Variants in SEC63 observed in about 807,000 individuals in gnomAD.
SEC63 encodes the protein SEC63 protein translocation regulator.
In SEC63, 56 loss-of-function variants were observed where a neutral mutation model predicts 116.2. The ratio of observed to expected loss-of-function variants is 0.48; its 90% confidence interval spans 0.39 to 0.60. The LOEUF (loss-of-function observed/expected upper bound fraction) is 0.60, where lower values mean the gene tolerates loss of function less well. Ranked by LOEUF, SEC63 falls within the 20% of genes least tolerant of loss-of-function variation. The probability of loss-of-function intolerance (pLI) is 0.00; values close to 1 mark genes in which losing one functional copy is unlikely to be tolerated. For synonymous variants in SEC63, 273 were observed against 294.6 expected, an observed-to-expected ratio of 0.93 and a Z score of 0.75; for missense variants, 668 against 900.0, an observed-to-expected ratio of 0.74 and a Z score of 3.30.
intron 11 of SEC63, 88 bp downstream of exon 11, chr6:107,904,541 G>T: frequency 2.0e-6 from 2 of 981,822 alleles, no homozygotes; most frequent in South Asian, 1.3e-5. Flanking sequence ...ACAGAAGTCT[G>T]AGTACCCATA....
chr6:107,955,321 C>T (rs1368856442), intron 1 of SEC63, among the ~76,000 whole-genome samples: 3 of 152,166 alleles, frequency 2.0e-5, no homozygotes, highest in Admixed American at 6.5e-5. Context: ...CGCCACCACT[C>T]CCAGCTAACT....
intron 1 of SEC63, chr6:107,957,268 AG>A (rs1201887028): frequency 6.6e-6 from 1 of 152,252 alleles, no homozygotes; most frequent in East Asian, 1.9e-4. Context: ...AAAAGGAAAT[AG>A]AAAAAAGCCT....
intron 1 of SEC63, among the ~76,000 whole-genome samples, chr6:107,939,268 T>A (rs1770319858): frequency 6.6e-6 from 1 of 152,138 alleles, no homozygotes; most frequent in Non-Finnish European, 1.5e-5. Flanking sequence ...GGCAATGGCA[T>A]GAGACGGTGT....
chr6:107,876,910 T>A, intron 18 of SEC63: 1 of 426,664 alleles, frequency 2.3e-6, no homozygotes. Context: ...ACCTATTGAT[T>A]GGCCTTCATA....
chr6:107,928,651 T>C (rs887026500), intron 2 of SEC63, among the ~76,000 whole-genome samples: 10 of 152,236 alleles, frequency 6.6e-5, no homozygotes, highest in Non-Finnish European at 1.2e-4. Context: ...CTACATCTTC[T>C]CTTCCAATCT....
intron 16 of SEC63, among the ~76,000 whole-genome samples, chr6:107,886,824 G>C (rs569446169): frequency 2.7e-5 from 4 of 147,596 alleles, no homozygotes; most frequent in East Asian, 2.0e-4. Flanking sequence ...TCACTCTGAT[G>C]ATAGTTTTTT....
At chr6:107,934,963 C>A (rs1326345301) in intron 1 of SEC63, among the ~76,000 whole-genome samples, 49 of 105,038 alleles carry the variant, frequency 4.7e-4, no homozygotes, top group African/African-American at 1.8e-3. Flanking sequence ...GCCCCCTGCC[C>A]GGCCAGCCGC....
intron 4 of SEC63, among the ~76,000 whole-genome samples, chr6:107,915,773 G>A (rs1165900115): frequency 6.6e-6 from 1 of 152,110 alleles, no homozygotes; most frequent in Non-Finnish European, 1.5e-5. Flanking sequence ...GGCTGCTAGA[G>A]TTATTCATGA....
chr6:107,912,016 T>G (rs1787294198), intron 6 of SEC63, among the ~76,000 whole-genome samples: 1 of 152,194 alleles, frequency 6.6e-6, no homozygotes, highest in African/African-American at 2.4e-5. Context: ...CAAACAAGCT[T>G]ATGCAGCAAC....
At chr6:107,898,571 T>C (rs547092015) in intron 13 of SEC63, among the ~76,000 whole-genome samples, 48 of 152,294 alleles carry the variant, frequency 3.2e-4, no homozygotes, top group Middle Eastern at 3.4e-3. Context: ...ATATCCTCTT[T>C]ACACTAAAAA....
At chr6:107,908,324 A>T (rs1787190118) in intron 8 of SEC63, among the ~76,000 whole-genome samples, 1 of 116,360 alleles carries the variant, frequency 8.6e-6, no homozygotes, top group Admixed American at 1.0e-4. Context: ...AATCAAAGAA[A>T]GTGAAAATAG....
At chr6:107,880,639 TTG>T (rs1786393622) in intron 18 of SEC63, among the ~76,000 whole-genome samples, 2 of 152,156 alleles carry the variant, frequency 1.3e-5, no homozygotes, top group Admixed American at 1.3e-4. Flanking sequence ...AAGAACACAG[TTG>T]GTCCCACAGC....
At chr6:107,898,923 T>C (rs571622831) in intron 13 of SEC63, among the ~76,000 whole-genome samples, 1 of 152,332 alleles carries the variant, frequency 6.6e-6, no homozygotes, top group African/African-American at 2.4e-5. Flanking sequence ...GCTATCTCCA[T>C]TACCCGCTAC....
chr6:107,906,523 G>C lies in SEC63; in HGVS notation c.886C>G (p.Pro296Ala), dbSNP rs1288728549. The change falls in exon 10 of 21, where the codon CCA (proline) becomes GCA (alanine). Residue 296 changes from proline (P) to alanine (A), a missense_variant. By Grantham distance (27) the Pro-to-Ala change is conservative. Transcript: ENST00000369002. ...LKKNEPPLTC[P>A]YSLKARVLLL... ...AGAACTCTGGCCTTCAGGCTATATG[G>C]GCAGGTAAGTGGAGGCTCATTCTTC... 1 of 1,613,416 alleles carries C rather than the reference G, an allele frequency of 6.2e-7. No homozygotes were observed. The highest frequency in any genetic ancestry group is 8.5e-7 in the Non-Finnish European group (1 of 1,179,436).
chr6:107,923,513 A>G (rs1477437681), intron 3 of SEC63, among the ~76,000 whole-genome samples: 1 of 152,058 alleles, frequency 6.6e-6, no homozygotes, highest in African/African-American at 2.4e-5. Flanking sequence ...TGACAATGAC[A>G]TTAATGATAC....
chr6:107,953,521 T>TG (rs1164897033), intron 1 of SEC63, among the ~76,000 whole-genome samples: 7 of 115,482 alleles, frequency 6.1e-5, no homozygotes, highest in Admixed American at 9.2e-5. Context: ...GGGAGGGAGG[T>TG]GGGGGGTCAG....
intron 13 of SEC63, 49 bp downstream of exon 13, chr6:107,901,321 C>G: frequency 6.4e-7 from 1 of 1,561,602 alleles, no homozygotes; most frequent in Non-Finnish European, 8.8e-7. Context: ...AAATGAGAAC[C>G]AATCTATCAA....
chr6:107,876,748 T>C lies in SEC63; in HGVS notation c.1936-86A>G, dbSNP rs1786284841. 3 of 836,934 alleles carry C rather than the reference T, an allele frequency of 3.6e-6. No individual in the cohort carries two copies. The South Asian group carries it at 4.4e-5, about 12-fold the overall frequency. The allele number at this position is 836,934 out of a possible 1,614,324, so 51.8% of individuals were successfully genotyped here. On this transcript the variant is annotated intron_variant, in intron 18 of 20. Transcript: ENST00000369002. ...AAGAATATAATTTTGGCCTCTCTTATCTTAGAGATCCTCTGCACTGACAAA... is the reference window on the plus strand; with the variant it reads ...AAGAATATAATTTTGGCCTCTCTTACCTTAGAGATCCTCTGCACTGACAAA...
intron 13 of SEC63, 78 bp downstream of exon 13, chr6:107,901,292 T>A (rs1786997152): frequency 7.2e-7 from 1 of 1,383,924 alleles, no homozygotes; most frequent in Non-Finnish European, 1.0e-6. Flanking sequence ...TACAGTGTTT[T>A]GAGAATCCTG....
Sources: allele counts gnomAD v4.1 joint callset (sites outside exome capture counted in the v4.1 genomes callset), GRCh38; gene constraint gnomAD v4.1.1; transcripts MANE v1.5; gene names NCBI Gene and HGNC (gene_info 2026-07-23, HGNC 2026-07-21).